The following HAUS3 variants were observed in gnomAD, a reference collection of about 807,000 sequenced individuals.
HAUS3 encodes HAUS augmin like complex subunit 3.
A neutral mutation model predicts 55.2 loss-of-function variants in HAUS3; 36 were observed. That is an observed-to-expected ratio of 0.65 (90% confidence interval 0.50 to 0.86). The LOEUF is 0.86. HAUS3 is among the 40% of genes least tolerant of loss of function. The pLI is 0.00. For missense variants in HAUS3, 752 were observed against 671.5 expected, an observed-to-expected ratio of 1.12 and a Z score of -1.33; for synonymous variants, 234 against 238.6, an observed-to-expected ratio of 0.98 and a Z score of 0.18.
chr4:2,234,217 T>C (rs1172670341), intron 5 of HAUS3: 2 of 152,206 alleles, frequency 1.3e-5, no homozygotes, highest in South Asian at 2.1e-4. Flanking sequence ...AACAAAACTA[T>C]GGTCTTTGCT....
Position 2,231,958 on chromosome 4 carries a change from G to C in HAUS3, c.1781C>G (p.Ser594Ter). The C allele has an allele frequency of 7.0e-7, 1 of 1,427,154 alleles. No homozygotes were observed. The highest frequency in any genetic ancestry group is 9.7e-7 in the Non-Finnish European group (1 of 1,026,794). The allele number at this position is 1,427,154 out of a possible 1,614,324, so 88.4% of individuals were successfully genotyped here. ...TTCAAGACTAACAGCCTTAATCTTT[G>C]ATTGAGTTTCTAAATTCTCCACAAT... is the stretch of plus-strand genomic sequence containing the variant. The part of the protein sequence containing the change: ...KDIVENLETQ[S>*]KIKAVSLED Residue 594 changes from serine to a stop codon, truncating the protein, a stop_gained, in exon 6 of 6, where the codon TCA (serine) becomes TGA (stop). Coordinates refer to ENST00000443786, the MANE Select transcript of HAUS3 (RefSeq NM_001303143.2). LOFTEE classifies it high-confidence loss of function.
chr4:2,240,193 G>C lies in HAUS3; in HGVS notation c.754C>G (p.Gln252Glu). The C allele has an allele frequency of 2.5e-6, 4 of 1,614,006 alleles. No individual in the cohort carries two copies. Among genetic ancestry groups the C allele is most frequent in the South Asian group, 1.1e-5 (1 of 91,062 alleles). Residue 252 changes from glutamine to glutamate, a missense_variant, in exon 3 of 6, where the codon CAA (glutamine) becomes GAA (glutamate). Coordinates refer to ENST00000443786, the MANE Select transcript of HAUS3 (RefSeq NM_001303143.2). ...AGTCGTCTCTCCTCAAGGATTTCTT[G>C]ATTATCACAAATAGATGGTGTCTGT... ...DIQTPSICDN[Q>E]EILEERRLEM...
At position 2,236,499 on chromosome 4, in the gene HAUS3, C is replaced by A. The variant is rs1309705156; in HGVS notation, c.1350-43G>T. ...AAATTATAGGGAAAAATTATCAAGTCAGTATCATTTTCAAAATTACAATCC... is the reference window on the plus strand; with the variant it reads ...AAATTATAGGGAAAAATTATCAAGTAAGTATCATTTTCAAAATTACAATCC... On this transcript the variant is annotated intron_variant, in intron 4 of 5. Coordinates refer to ENST00000443786, the MANE Select transcript of HAUS3 (RefSeq NM_001303143.2). 3.6e-6 allele frequency: 5 copies of A among 1,375,880 alleles called. No homozygotes were observed. The African/African-American group carries it at 4.3e-5, about 12-fold the overall frequency. 85.2% of individuals were successfully genotyped at this position (1,375,880 alleles called of 1,614,324 possible).
chr4:2,241,097 G>A lies in HAUS3; in HGVS notation c.-147-4C>T. On this transcript the variant is annotated splice_region_variant and splice_polypyrimidine_tract_variant and intron_variant, in intron 2 of 5. Coordinates refer to ENST00000443786, the MANE Select transcript of HAUS3 (RefSeq NM_001303143.2). ...TTAGAATCTATAATGATTCCTCCTAGGGGGGAAGAAAACAAGTATTAGACC... is the reference window on the plus strand; with the variant it reads ...TTAGAATCTATAATGATTCCTCCTAAGGGGGAAGAAAACAAGTATTAGACC... The A allele has an allele frequency of 1.7e-6, 1 of 603,304 alleles. No homozygotes were observed. 37.4% of individuals were successfully genotyped at this position (603,304 alleles called of 1,614,324 possible).
chr4:2,231,992 G>T lies in HAUS3; in HGVS notation c.1747C>A (p.Leu583Met). 1 of 1,496,136 alleles carries T rather than the reference G, an allele frequency of 6.7e-7. No homozygotes were observed. Among genetic ancestry groups the T allele is most frequent in the Non-Finnish European group, 9.3e-7 (1 of 1,080,408 alleles). The allele number at this position is 1,496,136 out of a possible 1,614,324, so 92.7% of individuals were successfully genotyped here. The change falls in exon 6 of 6, where the codon CTG becomes ATG. Residue 583 changes from leucine to methionine, a missense_variant. Physicochemically the swap from Leu to Met is conservative, Grantham distance 15. Coordinates refer to ENST00000443786, the MANE Select transcript of HAUS3 (RefSeq NM_001303143.2). ...TCTAAATTCTCCACAATATCTTTCA[G>T]ATAATCTTCATCTTTTAAAAAATAT... is the stretch of plus-strand genomic sequence containing the variant. ...YVYFLKDEDY[L>M]KDIVENLETQ...
rs1734601443 is a variant in HAUS3, at chr4:2,232,075, G to C, written c.1664C>G (p.Thr555Arg). The change falls in exon 6 of 6, where the codon ACA (threonine) becomes AGA (arginine). Residue 555 changes from threonine (T) to arginine (R), a missense_variant. By Grantham distance (71) the Thr-to-Arg change is moderately conservative. Transcript: ENST00000443786. ...ATTATTTGCCAAAGTTTTTCTTTTT[G>C]TCTTCACATCAGCAAGAATATCAGT... is the stretch of plus-strand genomic sequence containing the variant. ...LLTDILADVK[T>R]KRKTLANNKL... 6.3e-7 allele frequency: 1 copy of C among 1,599,738 alleles called. No individual in the cohort carries two copies. Among genetic ancestry groups the C allele is most frequent in the East Asian group, 2.3e-5 (1 of 44,304 alleles).
rs973465750 is a variant in HAUS3, at chr4:2,230,837, T to G, written c.*1090A>C. 6.6e-6 allele frequency: 1 copy of G among 152,220 alleles called. No homozygotes were observed. The highest frequency in any genetic ancestry group is 6.5e-5 in the Admixed American group (1 of 15,278). The allele number at this position is 152,220 out of a possible 1,614,324, so 9.4% of individuals were successfully genotyped here. On this transcript the variant is annotated 3_prime_UTR_variant, in exon 6 of 6. Coordinates refer to ENST00000443786, the MANE Select transcript of HAUS3 (RefSeq NM_001303143.2). ...AAGAAGCATCTGATGTAATAACAGA[T>G]GAGCTACTTCAAATTATTTTAGAGC...
Position 2,229,265 on chromosome 4 carries a change from G to A in HAUS3, c.*2662C>T. 1.9e-6 allele frequency: 3 copies of A among 1,539,004 alleles called. No individual in the cohort carries two copies. The highest frequency in any genetic ancestry group is 2.3e-5 in the East Asian group (1 of 43,584). Reference sequence around the variant, plus strand: ...AATCCTAAATGTAAGATTAACATAAGATAAATCCCATATATTAATCCTAAG... The same window carrying A: ...AATCCTAAATGTAAGATTAACATAAAATAAATCCCATATATTAATCCTAAG... On this transcript the variant is annotated 3_prime_UTR_variant, in exon 6 of 6. Transcript: ENST00000443786.
Position 2,229,201 on chromosome 4 carries a change from C to T in HAUS3, c.*2726G>A, listed in dbSNP as rs756382662. 16 of 1,606,882 alleles carry T rather than the reference C, an allele frequency of 1.0e-5. No homozygotes were observed. The African/African-American group carries it at 1.2e-4, about 12-fold the overall frequency. On this transcript the variant is annotated 3_prime_UTR_variant, in exon 6 of 6. Coordinates refer to ENST00000443786, the MANE Select transcript of HAUS3 (RefSeq NM_001303143.2). ...CTGGAGAGCGGTGTATTACAGAGAT[C>T]AAAGCCTACCAATGCCTCATAATTT... is the stretch of plus-strand genomic sequence containing the variant.
rs2108779852 is a variant in HAUS3 at position 2,238,639 on chromosome 4, C to T, written c.1314G>A (p.Arg438=). 4.4e-6 allele frequency: 7 copies of T among 1,608,924 alleles called. No homozygotes were observed. Among genetic ancestry groups the T allele is most frequent in the Non-Finnish European group, 5.1e-6 (6 of 1,176,056 alleles). Residue 438 remains arginine (R), a synonymous_variant, in exon 4 of 6, where the codon AGG becomes AGA. Coordinates refer to ENST00000443786, the MANE Select transcript of HAUS3 (RefSeq NM_001303143.2). The stretch of plus-strand genomic sequence containing the variant: ...AATAATCCTTAGTATCAATGGTATT[C>T]CTTGGATTTATCTGTTGAGAAACTG... ...DPSVSQQINP[R]NTIDTKDYST... is the part of the protein sequence containing the mutation.
rs1231962712 is a variant in HAUS3, at chr4:2,240,337, G to C, written c.610C>G (p.Leu204Val). 1 of 1,602,528 alleles carries C rather than the reference G, an allele frequency of 6.2e-7. No individual in the cohort carries two copies. Among genetic ancestry groups the C allele is most frequent in the East Asian group, 2.2e-5 (1 of 44,612 alleles). The change falls in exon 3 of 6, where the codon CTA (leucine) becomes GTA (valine). Residue 204 changes from leucine to valine, a missense_variant. Coordinates refer to ENST00000443786, the MANE Select transcript of HAUS3 (RefSeq NM_001303143.2). ...FLSQFSLEKY[L>V]SQEEQSTAAL... is the part of the protein sequence containing the mutation. The stretch of plus-strand genomic sequence containing the variant: ...GCTGTGCTTTGCTCTTCCTGACTTA[G>C]GTATTTTTCCAAGGAAAATTGCGAT...
chr4:2,229,010 C>A lies in HAUS3; in HGVS notation c.*2917G>T. 7.5e-7 allele frequency: 1 copy of A among 1,335,878 alleles called. No individual in the cohort carries two copies. The allele number at this position is 1,335,878 out of a possible 1,614,324, so 82.8% of individuals were successfully genotyped here. A position where few individuals can be genotyped will look rare whatever the true frequency, so the allele number is the denominator to read the frequency against. Reference sequence around the variant, plus strand: ...GGGGCGGGAGCTGGGCTTCATCTGTCTACATGCATTCCATTTTCAATTCTT... The same window carrying A: ...GGGGCGGGAGCTGGGCTTCATCTGTATACATGCATTCCATTTTCAATTCTT... On this transcript the variant is annotated 3_prime_UTR_variant, in exon 6 of 6. Transcript: ENST00000443786.
Position 2,240,677 on chromosome 4 carries a change from C to A in HAUS3, c.270G>T (p.Lys90Asn), listed in dbSNP as rs1191919314. 1 of 1,614,030 alleles carries A rather than the reference C, an allele frequency of 6.2e-7. No homozygotes were observed. The highest frequency in any genetic ancestry group is 1.3e-5 in the African/African-American group (1 of 75,038). Reference protein sequence around the residue: ...ALKTCKTSDLKTPRLDDKELE... With the variant: ...ALKTCKTSDLNTPRLDDKELE... ...GCTCTTTATCATCCAGTCTAGGTGT[C>A]TTCAAATCAGAAGTTTTACACGTTT... Residue 90 changes from lysine (K) to asparagine (N), a missense_variant, in exon 3 of 6, where the codon AAG becomes AAT. Lys to Asn is a moderately conservative substitution (Grantham distance 94). Transcript: ENST00000443786.
At position 2,241,019 on chromosome 4, in the gene HAUS3, C is replaced by G. The variant is rs1475742655; in HGVS notation, c.-73G>C. On this transcript the variant is annotated 5_prime_UTR_variant, in exon 3 of 6. Transcript: ENST00000443786. ...TTGATTTTTAGAAAATAAATCCAAG[C>G]AGAAAAAAAGCTACGTTTTATACCA... The G allele has an allele frequency of 1.7e-6, 2 of 1,193,198 alleles. No homozygotes were observed. Among genetic ancestry groups the G allele is most frequent in the Non-Finnish European group, 2.4e-6 (2 of 847,078 alleles). 73.9% of individuals were successfully genotyped at this position (1,193,198 alleles called of 1,614,324 possible). A position where few individuals can be genotyped will look rare whatever the true frequency, so the allele number is the denominator to read the frequency against.
intron 2 of HAUS3, 25 bp downstream of exon 2, chr4:2,241,495 T>C: frequency 6.1e-6 from 6 of 985,774 alleles, no homozygotes; most frequent in Non-Finnish European, 7.2e-6. Context: ...ATGGCACATC[T>C]TCTGAAGATC....
At chr4:2,234,558 G>T (rs1436439919) in intron 5 of HAUS3, 4 of 153,050 alleles carry the variant, frequency 2.6e-5, no homozygotes, top group African/African-American at 9.6e-5. Flanking sequence ...GGTAAACGGG[G>T]ACCTGGGTAC....
chr4:2,233,592 A>C (rs1004079184), intron 5 of HAUS3, among the ~76,000 whole-genome samples: 5 of 152,244 alleles, frequency 3.3e-5, no homozygotes, highest in African/African-American at 1.2e-4. Flanking sequence ...GAGTCAAAAA[A>C]TAACAGAAGA....
At chr4:2,239,903 A>G in intron 3 of HAUS3, 135 bp downstream of exon 3, 1 of 688,020 alleles carries the variant, frequency 1.5e-6, no homozygotes. Flanking sequence ...CAGATCACAA[A>G]TAAGCACTGA....
intron 4 of HAUS3, among the ~76,000 whole-genome samples, chr4:2,236,757 G>A (rs1577799062): frequency 3.3e-5 from 5 of 151,818 alleles, no homozygotes; most frequent in East Asian, 1.9e-4. Flanking sequence ...CAGATACTCC[G>A]GAGGCTGAGG....
Sources: gnomAD v4.1 joint callset for allele counts (sites outside exome capture counted in the v4.1 genomes callset) on GRCh38, gnomAD v4.1.1 for gene constraint, MANE v1.5 for transcripts, NCBI Gene and HGNC (gene_info 2026-07-23, HGNC 2026-07-21) for gene names.